Variants in SPATA13 observed in about 807,000 individuals in gnomAD.
SPATA13 encodes the protein spermatogenesis-associated protein 13.
SPATA13 carries 50 observed loss-of-function variants against 104.0 expected under a neutral mutation model. That is an observed-to-expected ratio of 0.48 (90% CI 0.38 to 0.61). The LOEUF (loss-of-function observed/expected upper bound fraction) is 0.61, where lower values mean the gene tolerates loss of function less well. Among genes scored for constraint, SPATA13 ranks in the 20% least tolerant of loss-of-function variants. SPATA13 has a pLI of 0.00. For synonymous variants in SPATA13, 606 were observed against 667.5 expected (o/e 0.91, Z 1.42); for missense variants, 1,524 against 1,690.6 (o/e 0.90, Z 1.73).
At chr13:24,226,037 C>CA (rs1424838734) in intron 2 of SPATA13, among the ~76,000 whole-genome samples, 2 of 152,200 alleles carry the variant, frequency 1.3e-5, no homozygotes, top group Non-Finnish European at 2.9e-5. Context: ...TCTCTGCAGG[C>CA]AGGTAGTCCC....
rs535204884 is a variant in SPATA13 at position 24,117,893 on chromosome 13, A to G, written c.-112+100192A>G. Among the ~76,000 whole-genome samples, 5 of 152,366 alleles carry G rather than the reference A, an allele frequency of 3.3e-5. No homozygotes were observed. The East Asian group carries it at 9.6e-4, about 29-fold the overall frequency. On this transcript the variant is annotated intron_variant, in intron 3 of 14. Coordinates refer to the SPATA13 transcript ENST00000424834. ...GTATATCTTATTCAGCTTCGAGAAT[A>G]TAATTGGGTTGTTTATAAAAACCAC...
chr13:24,170,584 C>T (rs1882929242), intron 1 of SPATA13, among the ~76,000 whole-genome samples: 1 of 152,156 alleles, frequency 6.6e-6, no homozygotes, highest in Non-Finnish European at 1.5e-5. Context: ...CAGAGTACAT[C>T]TCTGTTGTCC....
chr13:24,003,203 G>T (rs758364087), intron 2 of SPATA13, among the ~76,000 whole-genome samples: 27 of 152,258 alleles, frequency 1.8e-4, no homozygotes, highest in Non-Finnish European at 1.6e-4. Context: ...ATGCTTAGAT[G>T]TACCTATAGA....
chr13:24,217,878 A>ACT (rs1871345357), intron 1 of SPATA13, among the ~76,000 whole-genome samples: 1 of 151,984 alleles, frequency 6.6e-6, no homozygotes, highest in Non-Finnish European at 1.5e-5. Flanking sequence ...CCTTCCCCCA[A>ACT]CCCTCAAGTC....
chr13:24,286,183 A>C lies in SPATA13; in HGVS notation c.2302-31A>C, dbSNP rs766482360. The C allele has an allele frequency of 6.3e-7, 1 of 1,587,230 alleles. No individual in the cohort carries two copies. The highest frequency in any genetic ancestry group is 8.6e-7 in the Non-Finnish European group (1 of 1,164,894). ...TCACCATCCCGCCCACTCGTGCTCTATGCTGAGCGCACCCCACTGTCTCCT... is the reference window on the plus strand; with the variant it reads ...TCACCATCCCGCCCACTCGTGCTCTCTGCTGAGCGCACCCCACTGTCTCCT... On this transcript the variant is annotated intron_variant, in intron 5 of 12. Transcript: ENST00000382108. This position sits in a 1 kb window ranked among gnomAD's most constrained non-coding sequence, Gnocchi z 4.9.
At chr13:24,083,226 A>C (rs909763314) in intron 3 of SPATA13, among the ~76,000 whole-genome samples, 13 of 152,246 alleles carry the variant, frequency 8.5e-5, no homozygotes, top group Admixed American at 8.5e-4. Flanking sequence ...CCCCTAGGGC[A>C]ATAGAATAGA....
At chr13:24,206,873 C>CAA (rs61414133) in intron 1 of SPATA13, among the ~76,000 whole-genome samples, 137,395 of 149,604 alleles carry the variant, frequency 0.92, 64,293 homozygotes, top group East Asian at 1. Flanking sequence ...GCCTGGGCAA[C>CAA]GAGTGAAACT....
intron 3 of SPATA13, among the ~76,000 whole-genome samples, chr13:24,032,190 C>A (rs1488287352): frequency 6.6e-6 from 1 of 152,176 alleles, no homozygotes; most frequent in Non-Finnish European, 1.5e-5. Flanking sequence ...AACCCCACCT[C>A]ACCCTGACGT....
intron 1 of SPATA13, among the ~76,000 whole-genome samples, chr13:24,191,541 G>T (rs1344015777): frequency 2.9e-5 from 3 of 104,488 alleles, no homozygotes; most frequent in Non-Finnish European, 3.5e-5. Flanking sequence ...ATGGAGTCTT[G>T]CTCTGTCACT....
At chr13:24,289,308 G>C in intron 8 of SPATA13, 130 bp downstream of exon 8, 1 of 730,812 alleles carries the variant, frequency 1.4e-6, no homozygotes, top group Admixed American at 3.2e-5. Context: ...GAAAGGAGAT[G>C]TTTCTTCTAT....
At chr13:24,145,552 CAG>C (rs1881902136) in intron 3 of SPATA13, among the ~76,000 whole-genome samples, 2 of 152,270 alleles carry the variant, frequency 1.3e-5, no homozygotes, top group East Asian at 1.9e-4. Flanking sequence ...TAAGAAGAGT[CAG>C]AGGGGTGGCA....
intron 3 of SPATA13, among the ~76,000 whole-genome samples, chr13:24,072,859 T>TA (rs1879216053): frequency 3.1e-5 from 4 of 128,834 alleles, no homozygotes; most frequent in Admixed American, 8.1e-5. Context: ...CCCTTAAGTG[T>TA]AGTCTAAGTT....
At chr13:24,026,612 C>G (rs1019181921) in intron 3 of SPATA13, among the ~76,000 whole-genome samples, 7 of 152,198 alleles carry the variant, frequency 4.6e-5, no homozygotes, top group African/African-American at 1.4e-4. Flanking sequence ...GAGTCTCGCT[C>G]TGTCACCCAG....
chr13:23,995,536 A>G (rs1426221467), intron 2 of SPATA13, among the ~76,000 whole-genome samples: 1 of 152,206 alleles, frequency 6.6e-6, no homozygotes, highest in Non-Finnish European at 1.5e-5. Flanking sequence ...TTAGCTCAAA[A>G]CAGATGAAAT....
intron 3 of SPATA13, among the ~76,000 whole-genome samples, chr13:24,124,285 T>G (rs1365812502): frequency 6.6e-6 from 1 of 152,222 alleles, no homozygotes; most frequent in East Asian, 1.9e-4. Context: ...TTAGAATCTC[T>G]CTCATTCATT....
At chr13:24,073,046 G>A (rs1017687129) in intron 3 of SPATA13, among the ~76,000 whole-genome samples, 4 of 151,954 alleles carry the variant, frequency 2.6e-5, no homozygotes, top group Non-Finnish European at 4.4e-5. Flanking sequence ...ATTTTCATAG[G>A]GATCACCGAT....
chr13:24,256,111 A>G lies in SPATA13; in HGVS notation c.2164+4249A>G, dbSNP rs910919684. The stretch of plus-strand genomic sequence containing the variant: ...GCAAAAGACTGATAATCGTGGGTTC[A>G]TGGTATTATCTGCTTTTGTGTGTAT... On this transcript the variant is annotated intron_variant, in intron 4 of 12. Transcript: ENST00000382108. Among the ~76,000 whole-genome samples the G allele has an allele frequency of 3.3e-5, 5 of 152,224 alleles. 1 individual carries two copies. The highest frequency in any genetic ancestry group is 5.9e-5 in the Non-Finnish European group (4 of 68,040).
intron 12 of SPATA13, among the ~76,000 whole-genome samples, chr13:24,301,490 A>C (rs1877181681): frequency 6.6e-6 from 1 of 152,240 alleles, no homozygotes; most frequent in South Asian, 2.1e-4. Context: ...CTAGTAAATC[A>C]ATTTGTTAGA....
chr13:24,119,025 C>T (rs529119011), intron 3 of SPATA13, among the ~76,000 whole-genome samples: 2 of 152,110 alleles, frequency 1.3e-5, no homozygotes, highest in African/African-American at 2.4e-5. Flanking sequence ...CCTTCCTCAG[C>T]CTCCTGAGTA....
Sources: allele counts gnomAD v4.1 joint callset (sites outside exome capture counted in the v4.1 genomes callset), GRCh38; gene constraint gnomAD v4.1.1; non-coding constraint Gnocchi (gnomAD v3.1); transcripts MANE v1.5; gene names NCBI Gene and HGNC (gene_info 2026-07-23, HGNC 2026-07-21).